IBTK: variants seen among roughly 807,000 people sequenced by gnomAD.
IBTK encodes the protein inhibitor of Bruton tyrosine kinase.
Under a neutral mutation model 154.9 loss-of-function variants are expected in IBTK, and 83 were observed. That is an observed-to-expected ratio of 0.54 (90% CI 0.45 to 0.64). The LOEUF (loss-of-function observed/expected upper bound fraction) is 0.64. Among genes scored for constraint, IBTK ranks in the 30% least tolerant of loss-of-function variants. The pLI, the probability that IBTK is intolerant of heterozygous loss-of-function variation, is 0.00. For missense variants in IBTK, 1,332 were observed against 1,584.6 expected, an observed-to-expected ratio of 0.84 and a Z score of 2.71; for synonymous variants, 515 against 536.1, an observed-to-expected ratio of 0.96 and a Z score of 0.54.
At chr6:82,185,927 G>C (rs1214796089) in intron 25 of IBTK, among the ~76,000 whole-genome samples, 3 of 152,040 alleles carry the variant, frequency 2.0e-5, no homozygotes. Flanking sequence ...ACCTTGCATG[G>C]AGCAAGTATA....
Position 82,220,827 on chromosome 6 carries a change from AAG to A in IBTK, c.1125-116_1125-115del, listed in dbSNP as rs932756395. On this transcript the variant is annotated intron_variant, in intron 8 of 28. Coordinates refer to ENST00000306270, the MANE Select transcript of IBTK (RefSeq NM_015525.4). Reference sequence around the variant, plus strand: ...TCTATAGGCAATTATTGTGAAGGTGAAGTAAAATGATTTGGTCTTTGGTATCT... The same window carrying A: ...TCTATAGGCAATTATTGTGAAGGTGATAAAATGATTTGGTCTTTGGTATCT... 8 of 870,396 alleles carry A rather than the reference AAG, an allele frequency of 9.2e-6. No homozygotes were observed. The African/African-American group carries it at 1.4e-4, about 15-fold the overall frequency. The allele number at this position is 870,396 out of a possible 1,614,324, so 53.9% of individuals were successfully genotyped here.
At chr6:82,184,979 T>G (rs951615207) in intron 25 of IBTK, among the ~76,000 whole-genome samples, 1 of 151,786 alleles carries the variant, frequency 6.6e-6, no homozygotes, top group African/African-American at 2.4e-5. Context: ...GGTCAGGAGT[T>G]CGAAACCAGC....
chr6:82,211,306 C>A, intron 15 of IBTK, 61 bp downstream of exon 15: 3 of 1,351,832 alleles, frequency 2.2e-6, no homozygotes, highest in Non-Finnish European at 3.1e-6. Flanking sequence ...TTACTACATA[C>A]TTTGCACAAA....
At chr6:82,191,334 G>A in intron 24 of IBTK, 118 bp from the exon 25 acceptor site, 1 of 759,242 alleles carries the variant, frequency 1.3e-6, no homozygotes, top group Non-Finnish European at 2.1e-6. Flanking sequence ...AAAGGTTACT[G>A]GTAATAATAA....
intron 16 of IBTK, chr6:82,205,801 C>A (rs9353056): frequency 0.24 from 36,093 of 151,668 alleles, 4,307 homozygotes; most frequent in African/African-American, 0.28. Context: ...TCTTGGTCCT[C>A]AGTACTACTA....
intron 8 of IBTK, among the ~76,000 whole-genome samples, chr6:82,222,060 C>T (rs1231449756): frequency 3.3e-5 from 5 of 151,628 alleles, no homozygotes; most frequent in East Asian, 1.9e-4. Flanking sequence ...TCCAGCTAAT[C>T]GGGAGGCTGA....
At chr6:82,231,615 T>C in intron 4 of IBTK, 103 bp downstream of exon 4, 3 of 769,200 alleles carry the variant, frequency 3.9e-6, no homozygotes, top group South Asian at 2.8e-5. Flanking sequence ...AAAATGTTAC[T>C]GTACCTGAAA....
chr6:82,200,342 G>C (rs1035556443), intron 20 of IBTK, 89 bp from the exon 21 acceptor site: 8 of 929,016 alleles, frequency 8.6e-6, no homozygotes, highest in East Asian at 2.4e-5. Flanking sequence ...TAACCTGAAG[G>C]CTACTTTTTA....
In IBTK at chr6:82,214,677, T is replaced by G. The variant is rs1410653630; in HGVS notation, c.1754A>C (p.His585Pro). ...FPAHKYILAV[H>P]SDFFQKLFLS... ...AAACAATTTCTGAAAAAAATCAGAATGCACTGCCAAAATATATTTATGTGC... is the reference window on the plus strand; with the variant it reads ...AAACAATTTCTGAAAAAAATCAGAAGGCACTGCCAAAATATATTTATGTGC... The change falls in exon 12 of 29, where the codon CAT becomes CCT. Residue 585 changes from histidine (H) to proline (P), a missense_variant. Coordinates refer to ENST00000306270, the MANE Select transcript of IBTK (RefSeq NM_015525.4). 1.2e-6 allele frequency: 2 copies of G among 1,614,092 alleles called. No homozygotes were observed. Among genetic ancestry groups the G allele is most frequent in the South Asian group, 2.2e-5 (2 of 91,084 alleles).
Position 82,222,169 on chromosome 6 carries a change from CA to C in IBTK, c.1124+1270del, listed in dbSNP as rs57962676. The stretch of plus-strand genomic sequence containing the variant: ...TGGGCAACAGAGCAAGACAATGTCT[CA>C]AAAAAAAAAAAAAAAAGTAATTGTT... On this transcript the variant is annotated intron_variant, in intron 8 of 28. Transcript: ENST00000306270. Among the ~76,000 whole-genome samples, 400 of 98,414 alleles carry C rather than the reference CA, an allele frequency of 4.1e-3. 1 individual carries two copies. Among genetic ancestry groups the C allele is most frequent in the East Asian group, 7.2e-3 (24 of 3,328 alleles). The allele number at this position is 98,414 out of a possible 152,430, so 64.6% of individuals were successfully genotyped here.
chr6:82,191,298 T>C (rs1274927021), intron 24 of IBTK, 82 bp from the exon 25 acceptor site: 2 of 1,058,348 alleles, frequency 1.9e-6, no homozygotes, highest in Non-Finnish European at 2.8e-6. Context: ...AGAAATTATA[T>C]CAATTAACAT....
At chr6:82,214,855 T>C (rs751001693) in intron 11 of IBTK, 26 bp from the exon 12 acceptor site, 20 of 1,521,900 alleles carry the variant, frequency 1.3e-5, no homozygotes, top group Non-Finnish European at 1.4e-5. Flanking sequence ...AAACAAATTA[T>C]GCTTCAAAAA....
chr6:82,191,097 T>C lies in IBTK; in HGVS notation c.3551A>G (p.Lys1184Arg), dbSNP rs1197720050. ...SMETVLFTPS[K>R]APKPVNAWAS... ...CCATGCATTCACTGGTTTGGGGGCT[T>C]TTGAAGGAGTGAATAAAACTGTTTC... Residue 1184 changes from lysine to arginine, a missense_variant, in exon 25 of 29, where the codon AAA becomes AGA. Physicochemically the swap from Lys to Arg is conservative, Grantham distance 26 (BLOSUM62 2). Transcript: ENST00000306270. The C allele has an allele frequency of 7.0e-6, 11 of 1,581,182 alleles. No individual in the cohort carries two copies. The highest frequency in any genetic ancestry group is 9.5e-6 in the Non-Finnish European group (11 of 1,161,932).
At chr6:82,231,364 C>T (rs79996477) in intron 4 of IBTK, among the ~76,000 whole-genome samples, 6,248 of 150,936 alleles carry the variant, frequency 0.041, 234 homozygotes, top group South Asian at 0.15. Flanking sequence ...TGAGCTTCAA[C>T]AACAAATTCA....
chr6:82,176,726 C>A (rs1047282853), intron 26 of IBTK, among the ~76,000 whole-genome samples: 1 of 151,968 alleles, frequency 6.6e-6, no homozygotes, highest in Admixed American at 6.6e-5. Flanking sequence ...CTTGCCCTAA[C>A]CTTGGAAAAA....
intron 9 of IBTK, among the ~76,000 whole-genome samples, chr6:82,219,021 C>G (rs1285386381): frequency 6.6e-6 from 1 of 152,140 alleles, no homozygotes; most frequent in East Asian, 1.9e-4. Context: ...GTAAGTGATA[C>G]ACATCCCAAA....
At chr6:82,210,514 C>T (rs1264710361) in intron 16 of IBTK, 1 of 154,716 alleles carries the variant, frequency 6.5e-6, no homozygotes, top group Admixed American at 6.5e-5. Flanking sequence ...GCAATCATTC[C>T]TATTGCTTAT....
intron 16 of IBTK, among the ~76,000 whole-genome samples, chr6:82,209,998 A>C (rs1267864229): frequency 6.6e-6 from 1 of 152,162 alleles, no homozygotes; most frequent in Non-Finnish European, 1.5e-5. Flanking sequence ...CTATCCACTT[A>C]TTTTTATCCC....
At chr6:82,222,445 A>G (rs1770134414) in intron 8 of IBTK, among the ~76,000 whole-genome samples, 1 of 152,114 alleles carries the variant, frequency 6.6e-6, no homozygotes, top group African/African-American at 2.4e-5. Flanking sequence ...ATTTTTTTAA[A>G]CTAATAATGT....
Sources: allele counts gnomAD v4.1 joint callset (sites outside exome capture counted in the v4.1 genomes callset), GRCh38; gene constraint gnomAD v4.1.1; transcripts MANE v1.5; gene names NCBI Gene and HGNC (gene_info 2026-07-23, HGNC 2026-07-21).